ZNF71: variants seen among roughly 807,000 people sequenced by gnomAD.
ZNF71 encodes the protein endothelial zinc finger protein induced by tumor necrosis factor alpha.
Under a neutral mutation model 6.7 loss-of-function variants are expected in ZNF71, and 3 were observed. That is an observed-to-expected ratio of 0.45 (90% CI 0.20 to 1.16). The LOEUF is 1.16. Among genes scored for constraint, ZNF71 ranks in the 50% most tolerant of loss-of-function variants. The pLI, the probability that ZNF71 is intolerant of heterozygous loss-of-function variation, is 0.25. For synonymous variants in ZNF71, 343 were observed against 311.1 expected (o/e 1.10, Z -1.08); for missense variants, 688 against 728.6 (o/e 0.94, Z 0.64).
intron 2 of ZNF71, among the ~76,000 whole-genome samples, chr19:56,612,961 G>T (rs1330690766): frequency 6.6e-6 from 1 of 152,138 alleles, no homozygotes; most frequent in Non-Finnish European, 1.5e-5. Flanking sequence ...ATGAATTGGA[G>T]GGGCTCATAA....
chr19:56,620,979 G>C lies in ZNF71; in HGVS notation c.161-289G>C, dbSNP rs544672207. ...CTGCCCTTTGCTCCCTGCAAGCCCA[G>C]CTCACTACTGCAGTTTCTCTCCAGG... On this transcript the variant is annotated intron_variant, in intron 3 of 3. Coordinates refer to ENST00000599599, the MANE Select transcript of ZNF71 (RefSeq NM_001370215.1). Among the ~76,000 whole-genome samples, 9 of 152,288 alleles carry C rather than the reference G, an allele frequency of 5.9e-5. No individual in the cohort carries two copies. The South Asian group carries it at 1.9e-3, about 32-fold the overall frequency.
intron 3 of ZNF71, among the ~76,000 whole-genome samples, chr19:56,617,112 G>GTTTTTTTTTTTTTTTTTTTTTTTTTTTT (rs748784485): frequency 1.4e-5 from 2 of 140,646 alleles, no homozygotes; most frequent in Non-Finnish European, 1.5e-5. Flanking sequence ...ATTTTCTTTT[G>GTTTTTTTTTTTTTTTTTTTTTTTTTTTT]TTTTTTTTTG....
At chr19:56,604,542 C>G (rs1409459757) in intron 2 of ZNF71, among the ~76,000 whole-genome samples, 3 of 152,134 alleles carry the variant, frequency 2.0e-5, no homozygotes, top group African/African-American at 7.2e-5. Context: ...ACCTTACGAC[C>G]CTGTGGAGGG....
Position 56,622,811 on chromosome 19 carries a change from T to C in ZNF71, c.*54T>C, listed in dbSNP as rs1419529821. ...GTGCCCAGGACGGACGCCAGATGGC[T>C]GCGCGCTTTGTCAGCAGTGCTGTGA... On this transcript the variant is annotated 3_prime_UTR_variant, in exon 4 of 4. Coordinates refer to ENST00000599599, the MANE Select transcript of ZNF71 (RefSeq NM_001370215.1). 1.3e-6 allele frequency: 2 copies of C among 1,540,912 alleles called. No individual in the cohort carries two copies. The highest frequency in any genetic ancestry group is 1.8e-6 in the Non-Finnish European group (2 of 1,142,094).
intron 3 of ZNF71, among the ~76,000 whole-genome samples, chr19:56,619,667 T>C (rs1217027531): frequency 2.0e-5 from 3 of 152,120 alleles, no homozygotes; most frequent in African/African-American, 4.8e-5. Context: ...TTGTGTGGCT[T>C]TGAAGGTCCA....
rs548176437 is a variant in ZNF71, at chr19:56,621,947, C to A, written c.840C>A (p.Gly280=). The A allele has an allele frequency of 1.9e-6, 3 of 1,605,392 alleles. No homozygotes were observed. Among genetic ancestry groups the A allele is most frequent in the Admixed American group, 3.4e-5 (2 of 59,244 alleles). The part of the protein sequence containing the change: ...GEKPYVCDVC[G]KAFRKTSSLT... ...AGCCGTATGTGTGCGACGTGTGTGG[C>A]AAGGCCTTCCGGAAGACTTCCTCTC... The change falls in exon 4 of 4, where the codon GGC becomes GGA. Residue 280 remains glycine, a synonymous_variant. Transcript: ENST00000599599.
Position 56,613,851 on chromosome 19 carries a change from C to T in ZNF71, c.73C>T (p.Gln25Ter). ...CAGGGATGTGACTGTGGACTTCACC[C>T]AGGAGGAGTGGCAGCAGCTGGAGCC... ...TFRDVTVDFT[Q>*]EEWQQLEPAQ... is the part of the protein sequence containing the mutation. The change falls in exon 3 of 4, where the codon CAG (glutamine) becomes TAG (stop). Residue 25 changes from glutamine (Q) to a stop codon, truncating the protein, a stop_gained. Transcript: ENST00000599599. LOFTEE classifies it high-confidence loss of function. The surrounding 1 kb of genome is among the most constrained non-coding windows in gnomAD (Gnocchi z 4.6). 8.9e-7 allele frequency: 1 copy of T among 1,124,986 alleles called. No homozygotes were observed. Among genetic ancestry groups the T allele is most frequent in the Non-Finnish European group, 1.1e-6 (1 of 900,672 alleles). 69.7% of individuals were successfully genotyped at this position (1,124,986 alleles called of 1,614,324 possible).
In ZNF71 at chr19:56,622,624, C is replaced by T; in HGVS notation, c.1517C>T (p.Ser506Phe). The T allele has an allele frequency of 6.2e-7, 1 of 1,613,992 alleles. No individual in the cohort carries two copies. Among genetic ancestry groups the T allele is most frequent in the Non-Finnish European group, 8.5e-7 (1 of 1,179,942 alleles). The change falls in exon 4 of 4, where the codon TCC becomes TTC. Residue 506 changes from serine to phenylalanine, a missense_variant. Coordinates refer to ENST00000599599, the MANE Select transcript of ZNF71 (RefSeq NM_001370215.1). ...KPYRCGQCGK[S>F]FIKNSSLTVH... ...TACAGGTGCGGCCAGTGCGGGAAGT[C>T]CTTCATCAAGAACTCCTCCCTCACT...
chr19:56,618,553 T>G lies in ZNF71; in HGVS notation c.161-2715T>G. Among the ~76,000 whole-genome samples, 1 of 152,054 alleles carries G rather than the reference T, an allele frequency of 6.6e-6. No homozygotes were observed. Among genetic ancestry groups the G allele is most frequent in the Non-Finnish European group, 1.5e-5 (1 of 68,014 alleles). On this transcript the variant is annotated intron_variant, in intron 3 of 3. Transcript: ENST00000599599. This position sits in a 1 kb window ranked among gnomAD's most constrained non-coding sequence, Gnocchi z 4.6. ...ACAGGCAGAGAAAAATTGCCACAGG[T>G]CACTGAGTGTTCATAAAGAAGTGGG...
chr19:56,622,019 C>T lies in ZNF71; in HGVS notation c.912C>T (p.Cys304=), dbSNP rs138773922. The change falls in exon 4 of 4, where the codon TGC becomes TGT. Residue 304 remains cysteine, a synonymous_variant. Coordinates refer to ENST00000599599, the MANE Select transcript of ZNF71 (RefSeq NM_001370215.1). ...RIHTGEKPYA[C]GDCGKAFSQN... The stretch of plus-strand genomic sequence containing the variant: ...ACACGGGGGAGAAGCCCTACGCGTG[C>T]GGGGACTGCGGCAAGGCCTTCAGCC... 1.8e-4 allele frequency: 296 copies of T among 1,613,242 alleles called. No individual in the cohort carries two copies. Among genetic ancestry groups the T allele is most frequent in the Non-Finnish European group, 2.4e-4 (279 of 1,179,644 alleles).
At chr19:56,611,314 T>C (rs919514076) in intron 2 of ZNF71, among the ~76,000 whole-genome samples, 2 of 152,058 alleles carry the variant, frequency 1.3e-5, no homozygotes, top group Non-Finnish European at 2.9e-5. Context: ...TCTGGGTGGT[T>C]CGTGAGAGGC....
At chr19:56,612,202 C>T (rs891885949) in intron 2 of ZNF71, among the ~76,000 whole-genome samples, 2 of 152,112 alleles carry the variant, frequency 1.3e-5, no homozygotes, top group African/African-American at 2.4e-5. Context: ...TTGGTGTCAA[C>T]GCAAAGGAAA....
intron 3 of ZNF71, among the ~76,000 whole-genome samples, chr19:56,616,598 A>G (rs946247876): frequency 2.6e-5 from 4 of 152,122 alleles, no homozygotes; most frequent in South Asian, 4.1e-4. Flanking sequence ...ATCCTTTCAG[A>G]TGTTTTTTTC....
intron 1 of ZNF71, among the ~76,000 whole-genome samples, chr19:56,595,853 T>TTGTGTGTGTGTGTG (rs60371305): frequency 9.4e-4 from 130 of 137,596 alleles, no homozygotes; most frequent in East Asian, 4.7e-3. Context: ...GTGTGTGTGT[T>TTGTGTGTGTGTGTG]TGTGTGTGTG....
rs923298566 is a variant in ZNF71, at chr19:56,624,248, A to G, written c.*1491A>G. 2 of 156,498 alleles carry G rather than the reference A, an allele frequency of 1.3e-5. No homozygotes were observed. The highest frequency in any genetic ancestry group is 4.8e-5 in the African/African-American group (2 of 41,458). 9.7% of individuals were successfully genotyped at this position (156,498 alleles called of 1,614,324 possible). On this transcript the variant is annotated 3_prime_UTR_variant, in exon 4 of 4. Coordinates refer to ENST00000599599, the MANE Select transcript of ZNF71 (RefSeq NM_001370215.1). ...ACTCGGGCACGTATAAACAAGGTGG[A>G]CCGTTTTTCAAATTCTGGCAGTCAA...
rs190662831 is a variant in ZNF71 at position 56,621,270 on chromosome 19, T to C, written c.163T>C (p.Trp55Arg). 1.8e-4 allele frequency: 280 copies of C among 1,516,256 alleles called. No homozygotes were observed. In the African/African-American group the frequency reaches 3.5e-3, roughly 19 times the overall value. The allele number at this position is 1,516,256 out of a possible 1,614,324, so 93.9% of individuals were successfully genotyped here. A position where few individuals can be genotyped will look rare whatever the true frequency, so the allele number is the denominator to read the frequency against. ...TCTTCTGTTTTTGTTTTTTTCAGACTGGGAGACTAGACCTGAAATGAAAGA... is the reference window on the plus strand; with the variant it reads ...TCTTCTGTTTTTGTTTTTTTCAGACCGGGAGACTAGACCTGAAATGAAAGA... Reference protein sequence around the residue: ...ENYRNLVSLDWETRPEMKELD... With the variant: ...ENYRNLVSLDRETRPEMKELD... Residue 55 changes from tryptophan to arginine, a missense_variant and splice_region_variant, in exon 4 of 4, where the codon TGG (tryptophan) becomes CGG (arginine). Trp to Arg is a moderately radical substitution (Grantham distance 101). Transcript: ENST00000599599.
intron 3 of ZNF71, among the ~76,000 whole-genome samples, chr19:56,617,122 G>GTTTTTTTT (rs367787804): frequency 7.0e-6 from 1 of 142,784 alleles, no homozygotes; most frequent in African/African-American, 2.7e-5. Context: ...GTTTTTTTTT[G>GTTTTTTTT]TTTTTTTTGA....
In ZNF71 at chr19:56,613,794, G is replaced by T. The variant is rs928031325; in HGVS notation, c.34-18G>T. On this transcript the variant is annotated intron_variant, in intron 2 of 3. Transcript: ENST00000599599. The surrounding 1 kb of genome is among the most constrained non-coding windows in gnomAD (Gnocchi z 4.6). The stretch of plus-strand genomic sequence containing the variant: ...AAGGAGGGCCCTGCGATGAGCGGAT[G>T]TGGGTTTCCTCTTACAGGAATCAGT... The T allele has an allele frequency of 2.8e-6, 3 of 1,088,486 alleles. No individual in the cohort carries two copies. Among genetic ancestry groups the T allele is most frequent in the Non-Finnish European group, 3.4e-6 (3 of 877,972 alleles). The allele number at this position is 1,088,486 out of a possible 1,614,324, so 67.4% of individuals were successfully genotyped here. A position where few individuals can be genotyped will look rare whatever the true frequency, so the allele number is the denominator to read the frequency against.
intron 2 of ZNF71, among the ~76,000 whole-genome samples, chr19:56,606,008 C>T (rs936834117): frequency 2.0e-5 from 3 of 152,260 alleles, no homozygotes; most frequent in Admixed American, 2.0e-4. Flanking sequence ...CAGTCTCCCC[C>T]TTTGTAAAAG....
Sources: gnomAD v4.1 joint callset for allele counts (sites outside exome capture counted in the v4.1 genomes callset) on GRCh38, gnomAD v4.1.1 for gene constraint, Gnocchi (gnomAD v3.1) non-coding constraint, MANE v1.5 for transcripts, NCBI Gene and HGNC (gene_info 2026-07-23, HGNC 2026-07-21) for gene names.